EPB41L5: variants seen among roughly 807,000 people sequenced by gnomAD.
EPB41L5 encodes the protein erythrocyte membrane protein band 4.1 like 5.
In EPB41L5, 55 loss-of-function variants were observed where a neutral mutation model predicts 106.6. The ratio of observed to expected loss-of-function variants is 0.52; its 90% CI spans 0.42 to 0.65. The LOEUF is 0.65. EPB41L5 is among the 30% of genes least tolerant of loss of function. The probability of loss-of-function intolerance (pLI) is 0.00; values close to 1 mark genes in which losing one functional copy is unlikely to be tolerated. For synonymous variants in EPB41L5, 297 were observed against 306.7 expected, an observed-to-expected ratio of 0.97 and a Z score of 0.33; for missense variants, 871 against 882.1, an observed-to-expected ratio of 0.99 and a Z score of 0.16.
chr2:120,042,244 C>G, intron 3 of EPB41L5, 134 bp downstream of exon 3: 10 of 548,876 alleles, frequency 1.8e-5, no homozygotes, highest in Non-Finnish European at 9.5e-6. Context: ...GCTCCCTCCC[C>G]CCACCTCCTT....
At chr2:120,160,748 T>G in intron 20 of EPB41L5, 133 bp from the exon 21 acceptor site, 1 of 637,966 alleles carries the variant, frequency 1.6e-6, no homozygotes, top group Non-Finnish European at 2.8e-6. Context: ...ATTTCCCTGA[T>G]GATTTTGAGC....
At position 120,052,716 on chromosome 2, in the gene EPB41L5, A is replaced by G. The variant is rs143591915; in HGVS notation, c.285+10606A>G. Among the ~76,000 whole-genome samples, 1,187 of 152,280 alleles carry G rather than the reference A, an allele frequency of 7.8e-3. 12 individuals carry two copies. The highest frequency in any genetic ancestry group is 0.026 in the African/African-American group (1,090 of 41,552). Reference sequence around the variant, plus strand: ...ACTTTCTGGCTTATGAAGGTATGCCATGTTCATCTTGCAGTGCCCTACTCC... The same window carrying G: ...ACTTTCTGGCTTATGAAGGTATGCCGTGTTCATCTTGCAGTGCCCTACTCC... On this transcript the variant is annotated intron_variant, in intron 3 of 24. Transcript: ENST00000263713.
chr2:120,093,937 T>TA (rs1402208879), intron 14 of EPB41L5, among the ~76,000 whole-genome samples: 2 of 152,198 alleles, frequency 1.3e-5, no homozygotes, highest in Admixed American at 1.3e-4. Context: ...TAAAAATTCT[T>TA]ATGAGAGATC....
chr2:120,083,818 C>T (rs574780526), intron 10 of EPB41L5, among the ~76,000 whole-genome samples: 25 of 152,316 alleles, frequency 1.6e-4, no homozygotes, highest in African/African-American at 6.0e-4. Context: ...GGATAGTTAG[C>T]TCTTCTTGTT....
In EPB41L5 at chr2:120,140,558, G is replaced by A. The variant is rs374167676; in HGVS notation, c.1600-2445G>A. On this transcript the variant is annotated intron_variant, in intron 18 of 24. Coordinates refer to ENST00000263713, the MANE Select transcript of EPB41L5 (RefSeq NM_020909.4). ...AACTTGAGTAGAAGTTGAGCCCCCC[G>A]ATCTGAAAATTTAAAATTCAAAATG... is the stretch of plus-strand genomic sequence containing the variant. Among the ~76,000 whole-genome samples, 239 of 152,040 alleles carry A rather than the reference G, an allele frequency of 1.6e-3. 5 individuals are homozygous for A. The highest frequency in any genetic ancestry group is 5.3e-3 in the African/African-American group (222 of 41,498).
chr2:120,167,565 A>AG lies in EPB41L5; in HGVS notation c.2004+60dup. The AG allele has an allele frequency of 4.6e-6, 7 of 1,520,184 alleles. No individual in the cohort carries two copies. In the South Asian group the frequency reaches 8.0e-5, roughly 17 times the overall value. 94.2% of individuals were successfully genotyped at this position (1,520,184 alleles called of 1,614,324 possible). On this transcript the variant is annotated intron_variant, in intron 23 of 24. Coordinates refer to ENST00000263713, the MANE Select transcript of EPB41L5 (RefSeq NM_020909.4). ...GCTACCCTTTCAGGGTAAGGCCTAA[A>AG]GGATTACTAGGTTCTTTGTTTTTCC...
chr2:120,013,245 A>C (rs1013607667), intron 1 of EPB41L5, 35 bp downstream of exon 1: 1 of 152,238 alleles, frequency 6.6e-6, no homozygotes, highest in Non-Finnish European at 1.5e-5. Flanking sequence ...GCCGCAGTAC[A>C]GTCCGCTGCG....
chr2:120,019,300 C>T lies in EPB41L5; in HGVS notation c.180+36C>T, dbSNP rs369455705. The stretch of plus-strand genomic sequence containing the variant: ...CTTGCTGAGCTCCAAATTCTGTTTG[C>T]GATTACTGTCTTTGTTTGTTTGTTT... On this transcript the variant is annotated intron_variant, in intron 2 of 24. Transcript: ENST00000263713. 354 of 1,565,022 alleles carry T rather than the reference C, an allele frequency of 2.3e-4. 5 individuals are homozygous for T. In the South Asian group the frequency reaches 3.6e-3, roughly 16 times the overall value.
chr2:120,151,858 C>T (rs974358058), intron 20 of EPB41L5, among the ~76,000 whole-genome samples: 6 of 152,020 alleles, frequency 3.9e-5, no homozygotes, highest in South Asian at 4.1e-4. Context: ...CTCAGGTAAT[C>T]GGCCCGCCTC....
intron 2 of EPB41L5, among the ~76,000 whole-genome samples, chr2:120,038,579 A>C (rs1679189874): frequency 6.6e-6 from 1 of 152,158 alleles, no homozygotes; most frequent in Non-Finnish European, 1.5e-5. Flanking sequence ...CAACATGGCA[A>C]AACCCTATCT....
At chr2:120,163,271 C>G (rs866897806) in intron 21 of EPB41L5, among the ~76,000 whole-genome samples, 3 of 120,084 alleles carry the variant, frequency 2.5e-5, no homozygotes, top group African/African-American at 9.2e-5. Context: ...CCCCCCCCCC[C>G]CAAAAAAAGA....
chr2:120,047,358 C>T (rs941887990), intron 3 of EPB41L5, among the ~76,000 whole-genome samples: 39 of 152,000 alleles, frequency 2.6e-4, no homozygotes, highest in Non-Finnish European at 4.1e-4. Context: ...TTGTAGTTCT[C>T]CTTGAAGAGG....
At chr2:120,147,624 C>CAAAAAA (rs60980401) in intron 20 of EPB41L5, among the ~76,000 whole-genome samples, 1 of 75,588 alleles carries the variant, frequency 1.3e-5, no homozygotes, top group Non-Finnish European at 2.6e-5. Context: ...AACTCTGTCT[C>CAAAAAA]AAAAAAAAAA....
chr2:120,144,513 A>G (rs1375825574), intron 19 of EPB41L5, among the ~76,000 whole-genome samples: 1 of 152,204 alleles, frequency 6.6e-6, no homozygotes, highest in Non-Finnish European at 1.5e-5. Flanking sequence ...AGTAACCCTA[A>G]AGTAAAGGGA....
intron 16 of EPB41L5, among the ~76,000 whole-genome samples, chr2:120,109,913 A>T (rs1684643086): frequency 6.6e-6 from 1 of 152,248 alleles, no homozygotes; most frequent in Non-Finnish European, 1.5e-5. Context: ...ACTGTACAAG[A>T]GTGCCACATT....
chr2:120,015,267 C>G (rs1344768483), intron 1 of EPB41L5, among the ~76,000 whole-genome samples: 1 of 150,878 alleles, frequency 6.6e-6, no homozygotes, highest in Non-Finnish European at 1.5e-5. Flanking sequence ...GCAGATCTTG[C>G]AGTGAGCCCA....
At position 120,116,357 on chromosome 2, in the gene EPB41L5, G is replaced by A. The variant is rs150263377; in HGVS notation, c.1338-11331G>A. 2.7e-3 allele frequency among the ~76,000 whole-genome samples: 408 copies of A among 152,120 alleles called. 2 individuals are homozygous for A. Among genetic ancestry groups the A allele is most frequent in the Admixed American group, 7.1e-3 (108 of 15,276 alleles). Reference sequence around the variant, plus strand: ...AGCTTTCACAATGATTCTGCAGTGCGCTTTCCTTTTCCTATATGATTGAAG... The same window carrying A: ...AGCTTTCACAATGATTCTGCAGTGCACTTTCCTTTTCCTATATGATTGAAG... On this transcript the variant is annotated intron_variant, in intron 16 of 24. Coordinates refer to ENST00000263713, the MANE Select transcript of EPB41L5 (RefSeq NM_020909.4).
chr2:120,044,265 T>G (rs1468356425), intron 3 of EPB41L5, among the ~76,000 whole-genome samples: 1 of 152,216 alleles, frequency 6.6e-6, no homozygotes, highest in Non-Finnish European at 1.5e-5. Flanking sequence ...TCTTTTATTT[T>G]TCTTTCTAAT....
chr2:120,098,507 C>G (rs1449430537), intron 14 of EPB41L5, among the ~76,000 whole-genome samples: 2 of 152,114 alleles, frequency 1.3e-5, no homozygotes, highest in African/African-American at 4.8e-5. Context: ...GCCACCATGC[C>G]TCACCAATAG....
Sources: gnomAD v4.1 joint callset for allele counts (sites outside exome capture counted in the v4.1 genomes callset) on GRCh38, gnomAD v4.1.1 for gene constraint, MANE v1.5 for transcripts, NCBI Gene and HGNC (gene_info 2026-07-23, HGNC 2026-07-21) for gene names.